TTC7A: variants seen among roughly 807,000 people sequenced by gnomAD.
TTC7A encodes the protein tetratricopeptide repeat protein 7A.
TTC7A carries 110 observed loss-of-function variants against 103.7 expected under a neutral mutation model. The observed-to-expected ratio is 1.06, with a 90% CI of 0.91 to 1.24. TTC7A has a LOEUF of 1.24. Among genes scored for constraint, TTC7A ranks in the 50% most tolerant of loss-of-function variants. The pLI, the probability that TTC7A is intolerant of heterozygous loss-of-function variation, is 0.00. For synonymous variants in TTC7A, 521 were observed against 467.9 expected (o/e 1.11, Z -1.47); for missense variants, 1,340 against 1,116.3 (o/e 1.20, Z -2.86).
chr2:46,969,236 G>T (rs1174336733), intron 3 of TTC7A, among the ~76,000 whole-genome samples: 3 of 151,888 alleles, frequency 2.0e-5, no homozygotes, highest in African/African-American at 7.2e-5. Flanking sequence ...GGGCACGGTG[G>T]CTCACACCTG....
chr2:47,044,682 G>T (rs1173683957), intron 15 of TTC7A, among the ~76,000 whole-genome samples: 2 of 152,214 alleles, frequency 1.3e-5, no homozygotes, highest in Non-Finnish European at 2.9e-5. Context: ...GTTGGTATCT[G>T]GGGGGCAACC....
chr2:47,036,195 TGCAGCCAGCTGCAGGG>T (rs1681085819), intron 15 of TTC7A, among the ~76,000 whole-genome samples: 1 of 152,198 alleles, frequency 6.6e-6, no homozygotes, highest in Non-Finnish European at 1.5e-5. Context: ...CATGTAACCC[TGCAGCCAGCTGCAGGG>T]TAGGGGCAGG....
intron 18 of TTC7A, among the ~76,000 whole-genome samples, chr2:47,052,756 C>G (rs1682968193): frequency 6.6e-6 from 1 of 152,148 alleles, no homozygotes; most frequent in African/African-American, 2.4e-5. Flanking sequence ...CCCTAAAGTA[C>G]CCCAGGCCAA....
rs1675964561 is a variant in TTC7A, at chr2:46,994,534, C to A, written c.1001+20C>A. The A allele has an allele frequency of 6.2e-7, 1 of 1,611,930 alleles. No individual in the cohort carries two copies. Among genetic ancestry groups the A allele is most frequent in the African/African-American group, 1.3e-5 (1 of 74,900 alleles). ...AGACAAGTAAGTTCTGCCTGCCCTGCTGCACCTTGCCAGTCTCACATCTCA... is the reference window on the plus strand; with the variant it reads ...AGACAAGTAAGTTCTGCCTGCCCTGATGCACCTTGCCAGTCTCACATCTCA... On this transcript the variant is annotated intron_variant, in intron 7 of 19. Transcript: ENST00000319190.
intron 15 of TTC7A, among the ~76,000 whole-genome samples, chr2:47,031,970 C>T (rs113713009): frequency 1.4e-4 from 22 of 152,220 alleles, no homozygotes; most frequent in African/African-American, 5.1e-4. Flanking sequence ...TCTTCCCAGG[C>T]TCTTGGACTG....
At chr2:46,925,774 T>C (rs964514976) in intron 2 of TTC7A, among the ~76,000 whole-genome samples, 3 of 152,178 alleles carry the variant, frequency 2.0e-5, no homozygotes, top group African/African-American at 7.2e-5. Context: ...TTAACCCCCG[T>C]TGAAAGGGAT....
chr2:46,963,419 A>T (rs1672560035), intron 3 of TTC7A, among the ~76,000 whole-genome samples: 1 of 152,220 alleles, frequency 6.6e-6, no homozygotes, highest in South Asian at 2.1e-4. Flanking sequence ...GTCTCACCTC[A>T]AGACAAAATA....
At chr2:46,962,667 C>G (rs1204579512) in intron 3 of TTC7A, among the ~76,000 whole-genome samples, 1 of 152,236 alleles carries the variant, frequency 6.6e-6, no homozygotes, top group Non-Finnish European at 1.5e-5. Flanking sequence ...TGGCAGACTT[C>G]CTGCCTGGCC....
intron 13 of TTC7A, among the ~76,000 whole-genome samples, chr2:47,023,873 C>T (rs1679574204): frequency 6.6e-6 from 1 of 151,582 alleles, no homozygotes; most frequent in South Asian, 2.1e-4. Flanking sequence ...CCCACCCACC[C>T]CTTCCACCAT....
chr2:47,045,408 A>C (rs1682208310), intron 15 of TTC7A: 1 of 152,258 alleles, frequency 6.6e-6, no homozygotes, highest in Non-Finnish European at 1.5e-5. Context: ...TGCTGTGTCC[A>C]GGGTAGAGGG....
At chr2:47,073,322 G>C (rs942622150) in intron 19 of TTC7A, among the ~76,000 whole-genome samples, 1 of 152,046 alleles carries the variant, frequency 6.6e-6, no homozygotes, top group Admixed American at 6.5e-5. Flanking sequence ...ACCTCACCGC[G>C]CTCTCGAGAG....
intron 8 of TTC7A, among the ~76,000 whole-genome samples, chr2:46,995,964 C>T (rs1461033015): frequency 6.6e-6 from 1 of 152,248 alleles, no homozygotes; most frequent in Non-Finnish European, 1.5e-5. Flanking sequence ...ACAAAGCACA[C>T]ATGAAGTTGG....
intron 6 of TTC7A, among the ~76,000 whole-genome samples, chr2:46,994,065 G>A (rs1675901214): frequency 6.6e-6 from 1 of 152,156 alleles, no homozygotes; most frequent in African/African-American, 2.4e-5. Flanking sequence ...TCAGAGTGGG[G>A]CTGGGCTCCA....
chr2:47,034,629 G>A (rs1367447662), intron 15 of TTC7A, among the ~76,000 whole-genome samples: 4 of 152,086 alleles, frequency 2.6e-5, no homozygotes, highest in Admixed American at 6.5e-5. Flanking sequence ...CACGGCTCCC[G>A]TCCCAGGCCT....
chr2:46,950,355 C>T lies in TTC7A; in HGVS notation c.185-8C>T, dbSNP rs1412852074. 6.2e-7 allele frequency: 1 copy of T among 1,613,788 alleles called. No homozygotes were observed. Among genetic ancestry groups the T allele is most frequent in the East Asian group, 2.2e-5 (1 of 44,906 alleles). The stretch of plus-strand genomic sequence containing the variant: ...GTTTGCTGCTCTGACCCCTACTTTG[C>T]TTTTCAGATGACTTTGGGAAATTGC... On this transcript the variant is annotated splice_region_variant and splice_polypyrimidine_tract_variant and intron_variant, in intron 1 of 19. Transcript: ENST00000319190.
At chr2:47,012,873 G>T (rs10194115) in intron 11 of TTC7A, among the ~76,000 whole-genome samples, 14,855 of 152,214 alleles carry the variant, frequency 0.098, 1,143 homozygotes, top group African/African-American at 0.22. Context: ...GGCTGATCAG[G>T]AGGAAGGGAA....
intron 3 of TTC7A, among the ~76,000 whole-genome samples, chr2:46,964,124 G>T (rs573468217): frequency 6.6e-6 from 1 of 152,326 alleles, no homozygotes; most frequent in African/African-American, 2.4e-5. Flanking sequence ...CCAGCATTCA[G>T]GCTTGTTCGA....
intron 14 of TTC7A, 146 bp from the exon 15 acceptor site, chr2:47,029,078 G>T: frequency 2.4e-6 from 2 of 846,732 alleles, no homozygotes; most frequent in Non-Finnish European, 3.7e-6. Context: ...TCTGGGGCAG[G>T]TGTTTTCTCA....
chr2:47,057,712 C>G (rs917150761), intron 18 of TTC7A, among the ~76,000 whole-genome samples: 3 of 152,184 alleles, frequency 2.0e-5, no homozygotes, highest in Non-Finnish European at 4.4e-5. Flanking sequence ...TCTCGTGACC[C>G]TGGGGGATTC....
Sources: allele counts gnomAD v4.1 joint callset (sites outside exome capture counted in the v4.1 genomes callset), GRCh38; gene constraint gnomAD v4.1.1; transcripts MANE v1.5; gene names NCBI Gene and HGNC (gene_info 2026-07-23, HGNC 2026-07-21).